Variants in ZNF84 observed in about 807,000 individuals in gnomAD.
The protein encoded by ZNF84 is zinc finger protein HPF2.
Under a neutral mutation model 14.8 loss-of-function variants are expected in ZNF84, and 12 were observed. The observed-to-expected ratio is 0.81, with a 90% CI of 0.52 to 1.31. ZNF84 has a LOEUF of 1.31. Ranked by LOEUF, ZNF84 falls within the 50% of genes most tolerant of loss-of-function variation. ZNF84 has a pLI of 0.00. For synonymous variants in ZNF84, 347 were observed against 291.1 expected, an observed-to-expected ratio of 1.19 and a Z score of -1.96; for missense variants, 859 against 878.6, an observed-to-expected ratio of 0.98 and a Z score of 0.28.
intron 1 of ZNF84, chr12:133,039,001 T>TG (rs1953838639): frequency 6.6e-6 from 1 of 152,214 alleles, no homozygotes; most frequent in Non-Finnish European, 1.5e-5. Context: ...ATCCTAAGAA[T>TG]GGTTACCTGT....
Position 133,047,940 on chromosome 12 carries a change from A to T in ZNF84, c.16-15A>T. The T allele has an allele frequency of 6.2e-7, 1 of 1,613,470 alleles. No homozygotes were observed. The highest frequency in any genetic ancestry group is 1.1e-5 in the South Asian group (1 of 91,018). ...TGTTAACTGCTTCAGATTTACCAGG[A>T]TTGTGCTCTTACAGGAGTCATTCTC... On this transcript the variant is annotated splice_polypyrimidine_tract_variant and intron_variant, in intron 2 of 4. Transcript: ENST00000539354.
Position 133,057,131 on chromosome 12 carries a change from A to G in ZNF84, c.416A>G (p.His139Arg), listed in dbSNP as rs34737533. 14,021 of 1,612,292 alleles carry G rather than the reference A, an allele frequency of 8.7e-3. 136 individuals carry two copies. Among genetic ancestry groups the G allele is most frequent in the South Asian group, 0.026 (2,378 of 90,414 alleles). The change falls in exon 5 of 5, where the codon CAT becomes CGT. Residue 139 changes from histidine to arginine, a missense_variant. His to Arg is a conservative substitution (Grantham distance 29). Coordinates refer to ENST00000539354, the MANE Select transcript of ZNF84 (RefSeq NM_001289971.2). Reference protein sequence around the residue: ...EGDLDGLILKHHLDLLIPKGD... With the variant: ...EGDLDGLILKRHLDLLIPKGD... ...GACTTAGATGGATTGATTTTAAAAC[A>G]TCATTTAGATTTGCTTATTCCAAAA...
rs1954238355 is a variant in ZNF84, at chr12:133,060,354, C to T, written c.*1422C>T. ...TGACATTCAAGGATGCCTATTTTAT[C>T]TTCTAGCAAATTTCTGTGGTCCCTG... On this transcript the variant is annotated 3_prime_UTR_variant, in exon 5 of 5. Coordinates refer to ENST00000539354, the MANE Select transcript of ZNF84 (RefSeq NM_001289971.2). The T allele has an allele frequency of 6.6e-6, 1 of 152,160 alleles. No individual in the cohort carries two copies. Among genetic ancestry groups the T allele is most frequent in the African/African-American group, 2.4e-5 (1 of 41,458 alleles). The allele number at this position is 152,160 out of a possible 1,614,324, so 9.4% of individuals were successfully genotyped here. A position where few individuals can be genotyped will look rare whatever the true frequency, so the allele number is the denominator to read the frequency against.
chr12:133,058,452 T>A lies in ZNF84; in HGVS notation c.1737T>A (p.Ala579=), dbSNP rs990947134. Residue 579 remains alanine, a synonymous_variant, in exon 5 of 5, where the codon GCT becomes GCA. Coordinates refer to ENST00000539354, the MANE Select transcript of ZNF84 (RefSeq NM_001289971.2). The part of the protein sequence containing the change: ...KPYECRDCEK[A]FSQKSQLNTH... ...ATGAATGCAGGGACTGTGAAAAAGC[T>A]TTCTCCCAGAAATCACAGCTAAATA... 5.1e-4 allele frequency: 829 copies of A among 1,613,686 alleles called. 4 individuals are homozygous for A. In the African/African-American group the frequency reaches 9.5e-3, roughly 18 times the overall value.
Position 133,041,350 on chromosome 12 carries a change from C to A in ZNF84, c.-118C>A, listed in dbSNP as rs1953883920. 4.2e-6 allele frequency: 4 copies of A among 951,312 alleles called. No homozygotes were observed. The highest frequency in any genetic ancestry group is 3.3e-5 in the African/African-American group (2 of 60,422). The allele number at this position is 951,312 out of a possible 1,614,324, so 58.9% of individuals were successfully genotyped here. A position where few individuals can be genotyped will look rare whatever the true frequency, so the allele number is the denominator to read the frequency against. On this transcript the variant is annotated 5_prime_UTR_variant, in exon 2 of 5. Transcript: ENST00000539354. ...AAAGGAGTTCCTGGAACCAGGAATTCATTCTCAGTGTAGAAGACCTAGCTG... is the reference window on the plus strand; with the variant it reads ...AAAGGAGTTCCTGGAACCAGGAATTAATTCTCAGTGTAGAAGACCTAGCTG...
intron 4 of ZNF84, among the ~76,000 whole-genome samples, chr12:133,054,199 T>A (rs994803636): frequency 1.1e-4 from 17 of 152,010 alleles, no homozygotes; most frequent in African/African-American, 4.1e-4. Flanking sequence ...CTGGACAACA[T>A]AGGGAGACCC....
At chr12:133,054,332 G>C (rs1371992854) in intron 4 of ZNF84, among the ~76,000 whole-genome samples, 7 of 152,076 alleles carry the variant, frequency 4.6e-5, no homozygotes, top group African/African-American at 1.7e-4. Flanking sequence ...GGTTGAGGCT[G>C]CATCACAACA....
chr12:133,058,252 A>G lies in ZNF84; in HGVS notation c.1537A>G (p.Lys513Glu). 1 of 1,614,136 alleles carries G rather than the reference A, an allele frequency of 6.2e-7. No individual in the cohort carries two copies. Among genetic ancestry groups the G allele is most frequent in the Non-Finnish European group, 8.5e-7 (1 of 1,180,030 alleles). ...TNHQRIHTGE[K>E]PYVCSECGKA... ...TCATCAAAGAATTCATACAGGAGAAAAACCATATGTATGCAGTGAATGTGG... is the reference window on the plus strand; with the variant it reads ...TCATCAAAGAATTCATACAGGAGAAGAACCATATGTATGCAGTGAATGTGG... Residue 513 changes from lysine (K) to glutamate (E), a missense_variant, in exon 5 of 5, where the codon AAA (lysine) becomes GAA (glutamate). By Grantham distance (56) the Lys-to-Glu change is moderately conservative. Coordinates refer to ENST00000539354, the MANE Select transcript of ZNF84 (RefSeq NM_001289971.2).
intron 4 of ZNF84, among the ~76,000 whole-genome samples, chr12:133,052,197 C>T (rs1017119557): frequency 6.6e-6 from 1 of 152,116 alleles, no homozygotes; most frequent in Non-Finnish European, 1.5e-5. Context: ...TGGAAAGTCC[C>T]AAGATCAAGG....
intron 2 of ZNF84, among the ~76,000 whole-genome samples, chr12:133,043,509 T>C (rs939118056): frequency 2.0e-5 from 3 of 152,052 alleles, no homozygotes; most frequent in Admixed American, 1.3e-4. Flanking sequence ...GATTATTTCA[T>C]TGGGAGTTGC....
chr12:133,045,472 A>T (rs1325324806), intron 2 of ZNF84, among the ~76,000 whole-genome samples: 2 of 151,390 alleles, frequency 1.3e-5, no homozygotes, highest in Admixed American at 6.5e-5. Flanking sequence ...CTGTGTCTCA[A>T]AAACAAACAA....
intron 4 of ZNF84, among the ~76,000 whole-genome samples, chr12:133,053,970 T>G (rs1954110985): frequency 6.6e-6 from 1 of 152,232 alleles, no homozygotes. Context: ...AACCTTCAGT[T>G]GACATTTAAA....
chr12:133,048,246 A>G, intron 3 of ZNF84, 165 bp downstream of exon 3: 1 of 574,248 alleles, frequency 1.7e-6, no homozygotes, highest in South Asian at 2.5e-5. Context: ...CCAAGAAAGT[A>G]TTTGGGTCTC....
chr12:133,061,698 T>G lies in ZNF84; in HGVS notation c.*2766T>G, dbSNP rs961309116. 6.6e-6 allele frequency: 1 copy of G among 152,224 alleles called. No individual in the cohort carries two copies. Among genetic ancestry groups the G allele is most frequent in the Non-Finnish European group, 1.5e-5 (1 of 68,046 alleles). 9.4% of individuals were successfully genotyped at this position (152,224 alleles called of 1,614,324 possible). On this transcript the variant is annotated 3_prime_UTR_variant, in exon 5 of 5. Coordinates refer to ENST00000539354, the MANE Select transcript of ZNF84 (RefSeq NM_001289971.2). Reference sequence around the variant, plus strand: ...ACTATTAAGCAGTTAAACCTGATACTTCCTACACTAGATAATGGAACTTCA... The same window carrying G: ...ACTATTAAGCAGTTAAACCTGATACGTCCTACACTAGATAATGGAACTTCA...
chr12:133,057,961 T>C lies in ZNF84; in HGVS notation c.1246T>C (p.Ser416Pro). 1 of 1,613,474 alleles carries C rather than the reference T, an allele frequency of 6.2e-7. No individual in the cohort carries two copies. Among genetic ancestry groups the C allele is most frequent in the South Asian group, 1.1e-5 (1 of 91,044 alleles). ...SECRKAFRER[S>P]SLINHQRTHT... ...GTGTAGGAAAGCATTTAGAGAGAGG[T>C]CGAGTCTCATTAATCATCAGAGAAC... Residue 416 changes from serine to proline, a missense_variant, in exon 5 of 5, where the codon TCG (serine) becomes CCG (proline). By Grantham distance (74) the Ser-to-Pro change is moderately conservative. Transcript: ENST00000539354.
Position 133,048,867 on chromosome 12 carries a change from G to A in ZNF84, c.238+19G>A. The A allele has an allele frequency of 6.3e-7, 1 of 1,599,036 alleles. No individual in the cohort carries two copies. Among genetic ancestry groups the A allele is most frequent in the South Asian group, 1.1e-5 (1 of 90,458 alleles). On this transcript the variant is annotated intron_variant, in intron 4 of 4. Coordinates refer to ENST00000539354, the MANE Select transcript of ZNF84 (RefSeq NM_001289971.2). ...TCTCCAGGTGAGTGTATGAGAACCA[G>A]GCAGATGGGAGAGAGCAGAAGCCCC...
At chr12:133,044,777 G>C (rs1410511953) in intron 2 of ZNF84, among the ~76,000 whole-genome samples, 1 of 151,926 alleles carries the variant, frequency 6.6e-6, no homozygotes, top group African/African-American at 2.4e-5. Flanking sequence ...AGCCGGGCGT[G>C]GTGGCAGGCG....
chr12:133,047,087 C>T (rs1333583877), intron 2 of ZNF84, among the ~76,000 whole-genome samples: 1 of 151,126 alleles, frequency 6.6e-6, no homozygotes, highest in African/African-American at 2.4e-5. Flanking sequence ...AGGTGTGAGC[C>T]ACCTTGCCTA....
At chr12:133,049,281 G>C (rs1954035557) in intron 4 of ZNF84, among the ~76,000 whole-genome samples, 1 of 152,138 alleles carries the variant, frequency 6.6e-6, no homozygotes, top group African/African-American at 2.4e-5. Flanking sequence ...ACCTCCGTTT[G>C]TACATTGAAG....
Sources: gnomAD v4.1 joint callset for allele counts (sites outside exome capture counted in the v4.1 genomes callset) on GRCh38, gnomAD v4.1.1 for gene constraint, MANE v1.5 for transcripts, NCBI Gene and HGNC (gene_info 2026-07-23, HGNC 2026-07-21) for gene names.